PDGFC: variants seen among roughly 807,000 people sequenced by gnomAD.
PDGFC encodes platelet-derived growth factor C.
In PDGFC, 12 loss-of-function variants were observed where a neutral mutation model predicts 35.5. The ratio of observed to expected loss-of-function variants is 0.34; its 90% CI spans 0.22 to 0.55. PDGFC has a LOEUF of 0.55. Ranked by LOEUF, PDGFC falls within the 20% of genes least tolerant of loss-of-function variation. The pLI is 0.91. For missense variants in PDGFC, 322 were observed against 412.4 expected, an observed-to-expected ratio of 0.78 and a Z score of 1.90; for synonymous variants, 159 against 148.8, an observed-to-expected ratio of 1.07 and a Z score of -0.50.
At chr4:156,969,429 C>T (rs1004413351) in intron 1 of PDGFC, among the ~76,000 whole-genome samples, 51 of 152,208 alleles carry the variant, frequency 3.4e-4, no homozygotes, top group African/African-American at 1.2e-3. Flanking sequence ...TAAGAAGCAC[C>T]ACACTAATAT....
chr4:156,914,465 AG>A (rs1731111561), intron 1 of PDGFC, among the ~76,000 whole-genome samples: 1 of 152,144 alleles, frequency 6.6e-6, no homozygotes, highest in Admixed American at 6.5e-5. Context: ...AAACTGAAAA[AG>A]GTTCTGGATA....
At chr4:156,931,267 CTAATG>C (rs1731543547) in intron 1 of PDGFC, among the ~76,000 whole-genome samples, 2 of 152,106 alleles carry the variant, frequency 1.3e-5, no homozygotes, top group South Asian at 4.1e-4. Flanking sequence ...CTTCCGAAGG[CTAATG>C]TAGAGTTTCT....
rs1730405779 is a variant in PDGFC, at chr4:156,762,619, T to C, written c.*471A>G. On this transcript the variant is annotated 3_prime_UTR_variant, in exon 6 of 6. Coordinates refer to ENST00000502773, the MANE Select transcript of PDGFC (RefSeq NM_016205.3). ...GAATGTTCTGGTTTACATATGTGAA[T>C]ATGAGCAAAAAAAAAAAAAAAAATC... 6.9e-6 allele frequency: 1 copy of C among 144,776 alleles called. No individual in the cohort carries two copies. The highest frequency in any genetic ancestry group is 1.5e-5 in the Non-Finnish European group (1 of 67,254). 9.0% of individuals were successfully genotyped at this position (144,776 alleles called of 1,614,324 possible).
At chr4:156,889,061 A>C (rs561828167) in intron 1 of PDGFC, among the ~76,000 whole-genome samples, 11 of 152,294 alleles carry the variant, frequency 7.2e-5, no homozygotes, top group African/African-American at 2.6e-4. Flanking sequence ...CGTGCTGAAG[A>C]ATTCAGACAC....
At chr4:156,970,024 C>T (rs117009576) in intron 1 of PDGFC, among the ~76,000 whole-genome samples, 1 of 152,130 alleles carries the variant, frequency 6.6e-6, no homozygotes. Flanking sequence ...ATGAAAGGAG[C>T]CTTTCTCCAG....
At chr4:156,937,636 C>T (rs1229838313) in intron 1 of PDGFC, among the ~76,000 whole-genome samples, 2 of 152,054 alleles carry the variant, frequency 1.3e-5, no homozygotes, top group Non-Finnish European at 2.9e-5. Flanking sequence ...AGGAGGTTGG[C>T]GCTGCAGTGA....
intron 1 of PDGFC, among the ~76,000 whole-genome samples, chr4:156,968,628 T>G (rs77340316): frequency 0.097 from 14,778 of 152,098 alleles, 2,150 homozygotes; most frequent in African/African-American, 0.32. Flanking sequence ...TTGAAACATT[T>G]ACGTATAAAA....
Position 156,812,309 on chromosome 4 carries a change from T to G in PDGFC, c.315-1292A>C, listed in dbSNP as rs1025954076. On this transcript the variant is annotated intron_variant, in intron 2 of 5. Coordinates refer to ENST00000502773, the MANE Select transcript of PDGFC (RefSeq NM_016205.3). ...TTTTCCCTTTATTTTTCTAGGGTAA[T>G]TGTTACTGTTCATTTATATATTGAA... 3.3e-5 allele frequency among the ~76,000 whole-genome samples: 5 copies of G among 152,110 alleles called. No individual in the cohort carries two copies. In the East Asian group the frequency reaches 9.6e-4, roughly 29 times the overall value.
chr4:156,936,914 A>G (rs1047384580), intron 1 of PDGFC, among the ~76,000 whole-genome samples: 5 of 152,222 alleles, frequency 3.3e-5, no homozygotes, highest in Non-Finnish European at 5.9e-5. Flanking sequence ...AGAGGGACTC[A>G]GGTTTCTGAT....
intron 1 of PDGFC, among the ~76,000 whole-genome samples, chr4:156,882,754 A>G (rs940053846): frequency 6.6e-6 from 1 of 152,162 alleles, no homozygotes; most frequent in East Asian, 1.9e-4. Flanking sequence ...GTATTATTTG[A>G]CACCTGCATC....
At chr4:156,823,056 T>C (rs1732314996) in intron 2 of PDGFC, among the ~76,000 whole-genome samples, 1 of 152,000 alleles carries the variant, frequency 6.6e-6, no homozygotes, top group Non-Finnish European at 1.5e-5. Flanking sequence ...TCTTAACCAT[T>C]ACATGATACT....
chr4:156,867,204 C>T (rs922417479), intron 1 of PDGFC, among the ~76,000 whole-genome samples: 8 of 152,110 alleles, frequency 5.3e-5, no homozygotes, highest in Non-Finnish European at 8.8e-5. Flanking sequence ...GGATCATATT[C>T]TAAGTAGATC....
At chr4:156,867,310 C>T (rs1445986934) in intron 1 of PDGFC, among the ~76,000 whole-genome samples, 1 of 152,170 alleles carries the variant, frequency 6.6e-6, no homozygotes, top group Non-Finnish European at 1.5e-5. Context: ...CATTGAAGCC[C>T]CGGCCCTTTG....
At chr4:156,952,601 T>C (rs1021300719) in intron 1 of PDGFC, among the ~76,000 whole-genome samples, 1 of 151,798 alleles carries the variant, frequency 6.6e-6, no homozygotes, top group African/African-American at 2.4e-5. Flanking sequence ...AAAATGTAAA[T>C]ACCACAGGCC....
intron 1 of PDGFC, among the ~76,000 whole-genome samples, chr4:156,950,391 T>C (rs1732051473): frequency 6.6e-6 from 1 of 151,882 alleles, no homozygotes; most frequent in Non-Finnish European, 1.5e-5. Context: ...CCCATGTTTT[T>C]TGGTCACTTT....
At chr4:156,827,962 G>A (rs1728824593) in intron 2 of PDGFC, among the ~76,000 whole-genome samples, 1 of 152,200 alleles carries the variant, frequency 6.6e-6, no homozygotes, top group Admixed American at 6.5e-5. Flanking sequence ...GCGTGAAACA[G>A]TGGAGTCCTG....
intron 3 of PDGFC, among the ~76,000 whole-genome samples, chr4:156,798,202 C>A (rs1448339831): frequency 6.6e-6 from 1 of 151,942 alleles, no homozygotes; most frequent in Non-Finnish European, 1.5e-5. Flanking sequence ...AAAAACAAAA[C>A]AAAACAAAAC....
At chr4:156,887,947 G>C (rs1310106380) in intron 1 of PDGFC, among the ~76,000 whole-genome samples, 2 of 150,566 alleles carry the variant, frequency 1.3e-5, no homozygotes, top group East Asian at 3.9e-4. Flanking sequence ...AGGCTGCAGT[G>C]AGCTGAGATC....
At chr4:156,873,338 T>A (rs554429826) in intron 1 of PDGFC, among the ~76,000 whole-genome samples, 1 of 152,182 alleles carries the variant, frequency 6.6e-6, no homozygotes, top group Non-Finnish European at 1.5e-5. Context: ...CCCAAATTCC[T>A]GAAGTGATAG....
Sources: allele counts gnomAD v4.1 joint callset (sites outside exome capture counted in the v4.1 genomes callset), GRCh38; gene constraint gnomAD v4.1.1; transcripts MANE v1.5; gene names NCBI Gene and HGNC (gene_info 2026-07-23, HGNC 2026-07-21).